The following CHN1 variants were observed in gnomAD, a reference collection of about 807,000 sequenced individuals.
CHN1 encodes N-chimaerin.
In CHN1, 37 loss-of-function variants were observed where a neutral mutation model predicts 59.5. The ratio of observed to expected loss-of-function variants is 0.62; its 90% CI spans 0.48 to 0.82. The LOEUF (loss-of-function observed/expected upper bound fraction) is 0.82. CHN1 is among the 40% of genes least tolerant of loss of function. CHN1 has a pLI of 0.00. For missense variants in CHN1, 469 were observed against 571.0 expected, an observed-to-expected ratio of 0.82 and a Z score of 1.82; for synonymous variants, 206 against 200.4, an observed-to-expected ratio of 1.03 and a Z score of -0.24.
chr2:174,975,594 C>T (rs1343823119), intron 1 of CHN1, among the ~76,000 whole-genome samples: 1 of 151,546 alleles, frequency 6.6e-6, no homozygotes, highest in African/African-American at 2.4e-5. Flanking sequence ...CATTTACCAC[C>T]CAGGTCCATA....
intron 7 of CHN1, among the ~76,000 whole-genome samples, chr2:174,844,124 T>C (rs1686416209): frequency 1.3e-5 from 2 of 151,872 alleles, no homozygotes; most frequent in Admixed American, 6.6e-5. Flanking sequence ...CATTTATCTG[T>C]AAAATAACCT....
intron 5 of CHN1, among the ~76,000 whole-genome samples, chr2:174,902,321 GGTTT>G (rs1313441611): frequency 6.6e-6 from 1 of 151,804 alleles, no homozygotes; most frequent in African/African-American, 2.4e-5. Flanking sequence ...TACTTTCTAT[GGTTT>G]GTTTTATTAA....
intron 7 of CHN1, among the ~76,000 whole-genome samples, chr2:174,845,430 A>G (rs867309479): frequency 1.3e-5 from 2 of 152,250 alleles, no homozygotes; most frequent in Middle Eastern, 3.4e-3. Context: ...GTTGTATATC[A>G]TGCAAAAAGA....
intron 5 of CHN1, among the ~76,000 whole-genome samples, chr2:174,911,730 T>C (rs537066225): frequency 6.6e-6 from 1 of 152,332 alleles, no homozygotes; most frequent in East Asian, 1.9e-4. Flanking sequence ...CAGCACCTCA[T>C]AGCATTCATT....
intron 5 of CHN1, among the ~76,000 whole-genome samples, chr2:174,882,624 CA>C (rs1488709058): frequency 6.6e-6 from 1 of 152,030 alleles, no homozygotes; most frequent in African/African-American, 2.4e-5. Context: ...AAACAGAAAA[CA>C]AAACATATAC....
chr2:174,820,696 G>T (rs967767217), intron 8 of CHN1, among the ~76,000 whole-genome samples: 2 of 152,154 alleles, frequency 1.3e-5, no homozygotes, highest in African/African-American at 2.4e-5. Flanking sequence ...TGTCCTCATC[G>T]CTGCGGTGTG....
At chr2:174,970,114 T>C (rs1389198926) in intron 1 of CHN1, among the ~76,000 whole-genome samples, 1 of 152,198 alleles carries the variant, frequency 6.6e-6, no homozygotes, top group Non-Finnish European at 1.5e-5. Flanking sequence ...GAAGCAGTTT[T>C]AAAGTATTGG....
intron 10 of CHN1, among the ~76,000 whole-genome samples, chr2:174,809,906 C>T (rs917091021): frequency 6.6e-6 from 1 of 152,212 alleles, no homozygotes; most frequent in African/African-American, 2.4e-5. Context: ...CACCAAAGGA[C>T]AAAATGTAGC....
chr2:174,815,682 A>G (rs777427758), intron 8 of CHN1, among the ~76,000 whole-genome samples: 2 of 151,080 alleles, frequency 1.3e-5, no homozygotes, highest in African/African-American at 2.4e-5. Flanking sequence ...GATAATTACA[A>G]CATCTGTGTC....
intron 3 of CHN1, among the ~76,000 whole-genome samples, chr2:174,919,235 A>G (rs1688935190): frequency 6.6e-6 from 1 of 152,244 alleles, no homozygotes; most frequent in African/African-American, 2.4e-5. Context: ...CAGACAATAA[A>G]GAAGCTTTAA....
Position 174,800,179 on chromosome 2 carries a change from A to G in CHN1, c.1317T>C (p.Asn439=). The change falls in exon 13 of 13, where the codon AAT becomes AAC. Residue 439 remains asparagine (N), a synonymous_variant. Transcript: ENST00000409900. ...SPELDAMAAL[N]DIRYQRLVVE... is the part of the protein sequence containing the mutation. ...CCACCAGTCTCTGATACCGTATATC[A>G]TTCAATGCAGCCATGGCGTCTAGTT... is the stretch of plus-strand genomic sequence containing the variant. The G allele has an allele frequency of 6.5e-7, 1 of 1,537,328 alleles. No homozygotes were observed. Among genetic ancestry groups the G allele is most frequent in the Non-Finnish European group, 8.7e-7 (1 of 1,147,390 alleles).
intron 3 of CHN1, among the ~76,000 whole-genome samples, chr2:174,938,047 T>C (rs959034202): frequency 6.6e-6 from 1 of 152,118 alleles, no homozygotes; most frequent in African/African-American, 2.4e-5. Flanking sequence ...AAAAATTTTT[T>C]TAAGAGACAG....
chr2:174,837,175 A>T (rs149383210), intron 7 of CHN1: 3 of 152,320 alleles, frequency 2.0e-5, no homozygotes, highest in Admixed American at 6.5e-5. Flanking sequence ...AAGTAATACA[A>T]TTGCGGAGTA....
At chr2:174,844,694 A>T (rs762984235) in intron 7 of CHN1, among the ~76,000 whole-genome samples, 1 of 152,100 alleles carries the variant, frequency 6.6e-6, no homozygotes, top group Non-Finnish European at 1.5e-5. Context: ...AGAGTCTGGG[A>T]TGTTCTTGGA....
Position 174,839,604 on chromosome 2 carries a change from ATTT to A in CHN1, c.627+7273_627+7275del, listed in dbSNP as rs34568874. Among the ~76,000 whole-genome samples, 10 of 142,418 alleles carry A rather than the reference ATTT, an allele frequency of 7.0e-5. 1 individual carries two copies. The highest frequency in any genetic ancestry group is 4.6e-4 in the South Asian group (2 of 4,388). 93.4% of individuals were successfully genotyped at this position (142,418 alleles called of 152,430 possible). The stretch of plus-strand genomic sequence containing the variant: ...ACAATACTGTGTTGTGCACTTAAAG[ATTT>A]TTTTTTTTTTTTTTGACATAGGGTC... On this transcript the variant is annotated intron_variant, in intron 7 of 12. Coordinates refer to ENST00000409900, the MANE Select transcript of CHN1 (RefSeq NM_001822.7).
intron 5 of CHN1, among the ~76,000 whole-genome samples, chr2:174,910,217 T>C (rs945008245): frequency 6.6e-6 from 1 of 152,328 alleles, no homozygotes; most frequent in African/African-American, 2.4e-5. Context: ...GTGAAATACA[T>C]ACAATGTTTA....
At chr2:174,875,612 T>C (rs1006828389) in intron 6 of CHN1, among the ~76,000 whole-genome samples, 5 of 152,208 alleles carry the variant, frequency 3.3e-5, no homozygotes, top group African/African-American at 1.2e-4. Context: ...ATTCCAACAC[T>C]AGTATCTTTC....
At position 174,951,759 on chromosome 2, in the gene CHN1, T is replaced by A. The variant is rs184587752; in HGVS notation, c.58+405A>T. Among the ~76,000 whole-genome samples, 336 of 152,340 alleles carry A rather than the reference T, an allele frequency of 2.2e-3. 1 individual carries two copies. The Middle Eastern group carries it at 0.034, about 15-fold the overall frequency. ...TTAGATCACCTTTTTTTGCCTCTTTTCACTTATTCTTTCTATCAACATAGC... is the reference window on the plus strand; with the variant it reads ...TTAGATCACCTTTTTTTGCCTCTTTACACTTATTCTTTCTATCAACATAGC... On this transcript the variant is annotated intron_variant, in intron 2 of 12. Coordinates refer to ENST00000409900, the MANE Select transcript of CHN1 (RefSeq NM_001822.7).
chr2:174,859,988 G>T (rs1008027906), intron 6 of CHN1, among the ~76,000 whole-genome samples: 1 of 152,112 alleles, frequency 6.6e-6, no homozygotes, highest in East Asian at 1.9e-4. Flanking sequence ...GATGGTGGGG[G>T]ATAGGAGGTA....
Sources: allele counts gnomAD v4.1 joint callset (sites outside exome capture counted in the v4.1 genomes callset), GRCh38; gene constraint gnomAD v4.1.1; transcripts MANE v1.5; gene names NCBI Gene and HGNC (gene_info 2026-07-23, HGNC 2026-07-21).